The following LMAN1 variants were observed in gnomAD, a reference collection of about 807,000 sequenced individuals.
LMAN1 encodes the protein protein ERGIC-53.
A neutral mutation model predicts 67.8 loss-of-function variants in LMAN1; 32 were observed. The ratio of observed to expected loss-of-function variants is 0.47; its 90% CI spans 0.36 to 0.63. LMAN1 has a LOEUF of 0.63. LMAN1 is among the 30% of genes least tolerant of loss of function. The probability of loss-of-function intolerance (pLI) is 0.00; values close to 1 mark genes in which losing one functional copy is unlikely to be tolerated. For synonymous variants in LMAN1, 235 were observed against 219.3 expected (o/e 1.07, Z -0.63); for missense variants, 632 against 628.2 (o/e 1.01, Z -0.06).
chr18:59,354,670 A>G, intron 3 of LMAN1, 90 bp from the exon 4 acceptor site: 1 of 662,936 alleles, frequency 1.5e-6, no homozygotes, highest in South Asian at 1.9e-5. Context: ...TACATATCTA[A>G]GATTCTAGGA....
intron 5 of LMAN1, among the ~76,000 whole-genome samples, chr18:59,349,568 T>C (rs1206119767): frequency 1.3e-5 from 2 of 152,174 alleles, no homozygotes; most frequent in African/African-American, 4.8e-5. Flanking sequence ...ATCAGACTTG[T>C]TCTCAGATCC....
At chr18:59,334,489 T>C (rs1908098837) in intron 10 of LMAN1, among the ~76,000 whole-genome samples, 1 of 152,112 alleles carries the variant, frequency 6.6e-6, no homozygotes, top group African/African-American at 2.4e-5. Flanking sequence ...GGGGATAGAA[T>C]TGTGGTTGAA....
chr18:59,340,283 G>C (rs1009039659), intron 8 of LMAN1, among the ~76,000 whole-genome samples: 8 of 152,118 alleles, frequency 5.3e-5, no homozygotes, highest in African/African-American at 1.9e-4. Context: ...GATACAGGAG[G>C]CCCAGCAATC....
At chr18:59,352,784 G>C (rs1173009530) in intron 5 of LMAN1, 1 of 223,432 alleles carries the variant, frequency 4.5e-6, no homozygotes, top group Non-Finnish European at 9.0e-6. Flanking sequence ...CTGCAACGCA[G>C]CATTTATCAC....
intron 11 of LMAN1, 93 bp downstream of exon 11, chr18:59,332,998 G>C (rs1240739273): frequency 2.0e-6 from 2 of 1,015,016 alleles, no homozygotes; most frequent in Non-Finnish European, 3.1e-6. Context: ...ATAAGCATTA[G>C]CATTAACTAA....
At chr18:59,333,049 C>T (rs778231258) in intron 11 of LMAN1, 42 bp downstream of exon 11, 1 of 1,527,546 alleles carries the variant, frequency 6.5e-7, no homozygotes, top group South Asian at 1.1e-5. Flanking sequence ...TTCTTCCTTT[C>T]CTAAAGATTA....
At chr18:59,342,371 A>G (rs1455792800) in intron 8 of LMAN1, among the ~76,000 whole-genome samples, 1 of 152,116 alleles carries the variant, frequency 6.6e-6, no homozygotes, top group Admixed American at 6.5e-5. Context: ...AAAAAAATAG[A>G]AAACTACAGA....
At chr18:59,354,125 G>A (rs1047333826) in intron 4 of LMAN1, among the ~76,000 whole-genome samples, 10 of 152,116 alleles carry the variant, frequency 6.6e-5, no homozygotes, top group African/African-American at 2.4e-4. Context: ...CAATATTGAA[G>A]TTAAATAAGA....
intron 8 of LMAN1, among the ~76,000 whole-genome samples, chr18:59,342,942 A>G (rs1908319497): frequency 6.6e-6 from 1 of 152,078 alleles, no homozygotes; most frequent in South Asian, 2.1e-4. Flanking sequence ...TTGATAAATG[A>G]ATTCAGTAAT....
intron 10 of LMAN1, among the ~76,000 whole-genome samples, chr18:59,338,004 T>G (rs548765244): frequency 6.6e-6 from 1 of 152,292 alleles, no homozygotes; most frequent in Admixed American, 6.5e-5. Context: ...AGTCAATCAT[T>G]CTCATTAGAA....
intron 12 of LMAN1, 48 bp from the exon 13 acceptor site, chr18:59,331,177 C>T (rs774542256): frequency 2.7e-5 from 40 of 1,497,840 alleles, no homozygotes; most frequent in Non-Finnish European, 3.6e-5. Context: ...ATACGCTTAA[C>T]TTTGGAAAGA....
At chr18:59,339,194 A>G (rs545412824) in intron 8 of LMAN1, among the ~76,000 whole-genome samples, 2 of 152,328 alleles carry the variant, frequency 1.3e-5, no homozygotes, top group South Asian at 2.1e-4. Flanking sequence ...TTATTTAAAA[A>G]CAATTTTTCT....
intron 5 of LMAN1, among the ~76,000 whole-genome samples, chr18:59,352,114 G>C (rs770356956): frequency 5.3e-5 from 8 of 152,114 alleles, no homozygotes; most frequent in Non-Finnish European, 1.0e-4. Flanking sequence ...AATGCATAGT[G>C]ATCTTAGTTA....
Position 59,353,297 on chromosome 18 carries a change from C to A in LMAN1, c.544G>T (p.Gly182Trp), listed in dbSNP as rs754482563. The change falls in exon 5 of 13, where the codon GGG becomes TGG. Residue 182 changes from glycine to tryptophan, a missense_variant. Gly to Trp is a radical substitution (Grantham distance 184, BLOSUM62 -2). Transcript: ENST00000251047. ...GQIHYDHQND[G>W]ASQALASCQR... is the part of the protein sequence containing the mutation. Reference sequence around the variant, plus strand: ...CAACTTGCCAAAGCTTGACTAGCCCCGTCACTATAGTGTAAGGGGGAGGAA... The same window carrying A: ...CAACTTGCCAAAGCTTGACTAGCCCAGTCACTATAGTGTAAGGGGGAGGAA... The A allele has an allele frequency of 5.0e-6, 8 of 1,612,800 alleles. No individual in the cohort carries two copies. The highest frequency in any genetic ancestry group is 6.8e-6 in the Non-Finnish European group (8 of 1,178,912).
intron 11 of LMAN1, among the ~76,000 whole-genome samples, chr18:59,331,897 A>AC (rs1303933944): frequency 1.3e-5 from 2 of 152,092 alleles, no homozygotes; most frequent in African/African-American, 4.8e-5. Flanking sequence ...GATTATTAGC[A>AC]CCCCTTCATT....
rs765306339 is a variant in LMAN1, at chr18:59,333,117, T to C, written c.1348A>G (p.Ile450Val). 1.9e-6 allele frequency: 3 copies of C among 1,613,608 alleles called. No individual in the cohort carries two copies. The South Asian group carries it at 3.3e-5, about 18-fold the overall frequency. Residue 450 changes from isoleucine (I) to valine (V), a missense_variant, in exon 11 of 13, where the codon ATA (isoleucine) becomes GTA (valine). Physicochemically the swap from Ile to Val is conservative, Grantham distance 29. Coordinates refer to ENST00000251047, the MANE Select transcript of LMAN1 (RefSeq NM_005570.4). ...KEHLHIVKRD[I>V]DNLVQRNMPS... ...ATATTTCGCTGCACTAAGTTATCTATGTCCCTCTTTACTATGTGCAGGTGC... is the reference window on the plus strand; with the variant it reads ...ATATTTCGCTGCACTAAGTTATCTACGTCCCTCTTTACTATGTGCAGGTGC...
intron 6 of LMAN1, among the ~76,000 whole-genome samples, chr18:59,347,910 G>C (rs1038506048): frequency 2.6e-5 from 4 of 152,156 alleles, no homozygotes; most frequent in African/African-American, 9.7e-5. Flanking sequence ...CCTTATTCTG[G>C]TACCAAGATC....
At chr18:59,346,460 G>A (rs1326355940) in intron 7 of LMAN1, among the ~76,000 whole-genome samples, 2 of 151,692 alleles carry the variant, frequency 1.3e-5, no homozygotes, top group East Asian at 1.9e-4. Flanking sequence ...CTTTAGCTCA[G>A]GCAATGCACC....
At position 59,331,171 on chromosome 18, in the gene LMAN1, G is replaced by A. The variant is rs2070745129; in HGVS notation, c.1497-42C>T. The stretch of plus-strand genomic sequence containing the variant: ...ACAAACACTTAAAGAAGTTCTATAC[G>A]CTTAACTTTGGAAAGAAACAGGACT... On this transcript the variant is annotated intron_variant, in intron 12 of 12. Coordinates refer to ENST00000251047, the MANE Select transcript of LMAN1 (RefSeq NM_005570.4). The A allele has an allele frequency of 1.3e-6, 2 of 1,529,358 alleles. 1 individual carries two copies. The highest frequency in any genetic ancestry group is 2.3e-5 in the South Asian group (2 of 87,506). The allele number at this position is 1,529,358 out of a possible 1,614,324, so 94.7% of individuals were successfully genotyped here.
Sources: allele counts gnomAD v4.1 joint callset (sites outside exome capture counted in the v4.1 genomes callset), GRCh38; gene constraint gnomAD v4.1.1; transcripts MANE v1.5; gene names NCBI Gene and HGNC (gene_info 2026-07-23, HGNC 2026-07-21).